Variants in MACIR observed in about 807,000 individuals in gnomAD.
MACIR encodes the protein macrophage immunometabolism regulator.
In MACIR, 4 loss-of-function variants were observed where a neutral mutation model predicts 14.3. The observed-to-expected ratio is 0.28, with a 90% CI of 0.14 to 0.64. MACIR has a LOEUF of 0.64. MACIR is among the 30% of genes least tolerant of loss of function. MACIR has a pLI of 0.83. For synonymous variants in MACIR, 101 were observed against 102.4 expected (o/e 0.99, Z 0.08); for missense variants, 228 against 257.6 (o/e 0.89, Z 0.79).
chr5:103,272,439 G>C (rs1174468264), intron 2 of MACIR, among the ~76,000 whole-genome samples: 1 of 150,986 alleles, frequency 6.6e-6, no homozygotes, highest in African/African-American at 2.4e-5. Flanking sequence ...AGTGTCTAAA[G>C]AGCTTCTGCC....
chr5:103,262,100 C>T (rs2081531866), intron 1 of MACIR, among the ~76,000 whole-genome samples: 1 of 152,078 alleles, frequency 6.6e-6, no homozygotes, highest in African/African-American at 2.4e-5. Context: ...GGGAAAGGCA[C>T]TCCCTTTTTT....
intron 1 of MACIR, among the ~76,000 whole-genome samples, chr5:103,261,647 TTTCTTTC>T (rs1170089147): frequency 1.7e-5 from 1 of 60,190 alleles, no homozygotes; most frequent in Non-Finnish European, 3.3e-5. Context: ...TTTTTCTTTC[TTTCTTTC>T]TTTCTTTCTT....
rs1805347128 is a variant in MACIR, at chr5:103,276,669, A to C, written c.*129A>C. On this transcript the variant is annotated 3_prime_UTR_variant, in exon 3 of 3. Coordinates refer to ENST00000319933, the MANE Select transcript of MACIR (RefSeq NM_033211.4). ...ATCAGCTAAGTGTTCCTGGAACATA[A>C]AAATTGTTTGGGTCAAATTTGAATA... 1.1e-6 allele frequency: 1 copy of C among 897,724 alleles called. No individual in the cohort carries two copies. 55.6% of individuals were successfully genotyped at this position (897,724 alleles called of 1,614,324 possible).
chr5:103,262,894 A>G (rs1314346678), intron 1 of MACIR, among the ~76,000 whole-genome samples: 1 of 152,176 alleles, frequency 6.6e-6, no homozygotes, highest in African/African-American at 2.4e-5. Flanking sequence ...TTTGGAGAGG[A>G]AATCTGTTGA....
chr5:103,261,666 C>CTTTCTTTCTTTCTTTCTTTCTTTCTTTCT (rs1804708991), intron 1 of MACIR, among the ~76,000 whole-genome samples: 1 of 119,580 alleles, frequency 8.4e-6, no homozygotes, highest in African/African-American at 3.6e-5. Context: ...TTCTTTCTTT[C>CTTTCTTTCTTTCTTTCTTTCTTTCTTTCT]TTTCTTTCTT....
At chr5:103,261,653 TC>T (rs1804698982) in intron 1 of MACIR, among the ~76,000 whole-genome samples, 1 of 101,200 alleles carries the variant, frequency 9.9e-6, no homozygotes, top group Admixed American at 9.4e-5. Flanking sequence ...TTTCTTTCTT[TC>T]TTTCTTTCTT....
At chr5:103,275,866 AT>A in intron 2 of MACIR, 30 bp from the exon 3 acceptor site, 1 of 1,555,110 alleles carries the variant, frequency 6.4e-7, no homozygotes, top group East Asian at 2.3e-5. Context: ...TGTGCATTAT[AT>A]TCTTCTAATC....
chr5:103,272,990 A>G (rs1805191022), intron 2 of MACIR, among the ~76,000 whole-genome samples: 1 of 152,178 alleles, frequency 6.6e-6, no homozygotes, highest in Non-Finnish European at 1.5e-5. Flanking sequence ...CATAGCAGCT[A>G]TATATATTTA....
intron 2 of MACIR, among the ~76,000 whole-genome samples, chr5:103,270,361 G>C (rs1554237025): frequency 6.6e-6 from 1 of 152,074 alleles, no homozygotes; most frequent in African/African-American, 2.4e-5. Flanking sequence ...TTTCATTGTA[G>C]AAAGAAGTAA....
intron 2 of MACIR, among the ~76,000 whole-genome samples, chr5:103,272,649 C>G (rs529046817): frequency 6.6e-6 from 1 of 152,186 alleles, no homozygotes; most frequent in Admixed American, 6.5e-5. Context: ...TGAGGGCTGT[C>G]TTTTCTGAAA....
chr5:103,276,723 G>T lies in MACIR; in HGVS notation c.*183G>T. On this transcript the variant is annotated 3_prime_UTR_variant, in exon 3 of 3. Coordinates refer to ENST00000319933, the MANE Select transcript of MACIR (RefSeq NM_033211.4). ...GAATGAAATCACAGGTACTTGGGGG[G>T]GGGATATCATTCTAGAGCACGCAAC... is the stretch of plus-strand genomic sequence containing the variant. 1 of 512,796 alleles carries T rather than the reference G, an allele frequency of 2.0e-6. No homozygotes were observed. Among genetic ancestry groups the T allele is most frequent in the Non-Finnish European group, 3.4e-6 (1 of 291,658 alleles). The allele number at this position is 512,796 out of a possible 1,614,324, so 31.8% of individuals were successfully genotyped here.
chr5:103,267,255 C>A (rs1804960699), intron 2 of MACIR, among the ~76,000 whole-genome samples: 1 of 152,138 alleles, frequency 6.6e-6, no homozygotes, highest in East Asian at 1.9e-4. Context: ...ATAACCTATG[C>A]ACATCCTCTT....
At chr5:103,260,013 C>T (rs1804617377) in intron 1 of MACIR, among the ~76,000 whole-genome samples, 2 of 151,366 alleles carry the variant, frequency 1.3e-5, no homozygotes, top group African/African-American at 4.9e-5. Flanking sequence ...CAGTTTTCAA[C>T]CCAGTGGGTT....
chr5:103,259,976 A>G lies in MACIR; in HGVS notation c.-114+1080A>G, dbSNP rs149629616. Among the ~76,000 whole-genome samples the G allele has an allele frequency of 1.3e-4, 19 of 150,664 alleles. No individual in the cohort carries two copies. The East Asian group carries it at 3.7e-3, about 29-fold the overall frequency. On this transcript the variant is annotated intron_variant, in intron 1 of 2. Transcript: ENST00000319933. Reference sequence around the variant, plus strand: ...CCCCTTGCTAGTGTTCCACACGCTTAGGGACTCCCTGCCTCTCCTTCCACC... The same window carrying G: ...CCCCTTGCTAGTGTTCCACACGCTTGGGGACTCCCTGCCTCTCCTTCCACC...
At chr5:103,259,483 G>A (rs1194822046) in intron 1 of MACIR, 1 of 152,218 alleles carries the variant, frequency 6.6e-6, no homozygotes, top group Non-Finnish European at 1.5e-5. Context: ...TTGAGAAGTA[G>A]CTTTCCCCGG....
chr5:103,264,837 GT>G (rs1311637240), intron 1 of MACIR, among the ~76,000 whole-genome samples: 1 of 151,986 alleles, frequency 6.6e-6, no homozygotes, highest in Non-Finnish European at 1.5e-5. Flanking sequence ...AAGTAATAAA[GT>G]TACAAACTCC....
intron 1 of MACIR, among the ~76,000 whole-genome samples, chr5:103,264,810 T>C (rs1481693594): frequency 1.3e-5 from 2 of 152,272 alleles, no homozygotes; most frequent in Middle Eastern, 6.8e-3. Flanking sequence ...GATAAAACTC[T>C]CCTGTACTGG....
At chr5:103,268,492 G>A (rs1805007355) in intron 2 of MACIR, among the ~76,000 whole-genome samples, 1 of 152,130 alleles carries the variant, frequency 6.6e-6, no homozygotes, top group Non-Finnish European at 1.5e-5. Context: ...CAAAAATTAT[G>A]TTCACCAACA....
chr5:103,264,798 T>A (rs1804862378), intron 1 of MACIR, among the ~76,000 whole-genome samples: 1 of 152,150 alleles, frequency 6.6e-6, no homozygotes, highest in Admixed American at 6.6e-5. Context: ...CTATTTCCTT[T>A]GGATAAAACT....
Sources: gnomAD v4.1 joint callset for allele counts (sites outside exome capture counted in the v4.1 genomes callset) on GRCh38, gnomAD v4.1.1 for gene constraint, MANE v1.5 for transcripts, NCBI Gene and HGNC (gene_info 2026-07-23, HGNC 2026-07-21) for gene names.